The following TBL1X variants were observed in gnomAD, a reference collection of about 807,000 sequenced individuals.
TBL1X encodes the protein F-box-like/WD repeat-containing protein TBL1X.
Under a neutral mutation model 50.7 loss-of-function variants are expected in TBL1X, and 10 were observed. The ratio of observed to expected loss-of-function variants is 0.20; its 90% CI spans 0.12 to 0.33. The LOEUF (loss-of-function observed/expected upper bound fraction) is 0.33, where lower values mean the gene tolerates loss of function less well. TBL1X is among the 10% of genes least tolerant of loss of function. TBL1X has a pLI of 1.00. For missense variants in TBL1X, 340 were observed against 504.4 expected, an observed-to-expected ratio of 0.67 and a Z score of 3.12; for synonymous variants, 190 against 214.7, an observed-to-expected ratio of 0.88 and a Z score of 1.01.
intron 11 of TBL1X, among the ~76,000 whole-genome samples, chrX:9,693,901 G>A (rs747323092): frequency 3.0e-4 from 34 of 111,591 alleles, no homozygotes; most frequent in Non-Finnish European, 6.0e-4. Context: ...ACGCTCTTCC[G>A]ATGGCCCACA....
intron 1 of TBL1X, among the ~76,000 whole-genome samples, chrX:9,480,498 T>G (rs1407887192): frequency 8.9e-6 from 1 of 111,990 alleles, no homozygotes; most frequent in Non-Finnish European, 1.9e-5. Context: ...TTCTGTAGGT[T>G]GAATATTTTT....
chrX:9,490,362 T>C (rs972351565), intron 1 of TBL1X, among the ~76,000 whole-genome samples: 6 of 111,702 alleles, frequency 5.4e-5, no homozygotes, highest in Non-Finnish European at 1.1e-4. Context: ...GGGGAACATT[T>C]GACAATGTCG....
intron 2 of TBL1X, among the ~76,000 whole-genome samples, chrX:9,530,269 G>T (rs1239474431): frequency 8.9e-6 from 1 of 111,906 alleles, no homozygotes; most frequent in African/African-American, 3.2e-5. Context: ...TTCTAGGTCT[G>T]CTTGACATTG....
intron 2 of TBL1X, among the ~76,000 whole-genome samples, chrX:9,561,481 C>T (rs1328504838): frequency 3.6e-5 from 4 of 111,390 alleles, no homozygotes; most frequent in African/African-American, 1.3e-4. Context: ...AGAGTGACAT[C>T]TGGGTTCTCT....
chrX:9,543,885 G>A (rs998228005), intron 2 of TBL1X, among the ~76,000 whole-genome samples: 1 of 111,883 alleles, frequency 8.9e-6, no homozygotes, highest in South Asian at 3.8e-4. Context: ...CCACCCTTGA[G>A]TGACAGTAGC....
chrX:9,538,798 G>A (rs2082201493), intron 2 of TBL1X, among the ~76,000 whole-genome samples: 1 of 112,823 alleles, frequency 8.9e-6, no homozygotes, highest in East Asian at 2.8e-4. Context: ...TGCATGCTTC[G>A]CCTTTGGTAG....
At chrX:9,635,955 G>T (rs751731442) in intron 2 of TBL1X, among the ~76,000 whole-genome samples, 1 of 112,526 alleles carries the variant, frequency 8.9e-6, no homozygotes, top group Non-Finnish European at 1.9e-5. Flanking sequence ...GTTCAGCCAC[G>T]CAGTAGCATA....
At chrX:9,711,547 A>C (rs1601857369) in intron 15 of TBL1X, 64 bp from the exon 16 acceptor site, 2 of 1,026,832 alleles carry the variant, frequency 1.9e-6, no homozygotes, top group Admixed American at 3.9e-5. Flanking sequence ...TCTGATACAC[A>C]TTATGGAGAA....
intron 1 of TBL1X, among the ~76,000 whole-genome samples, chrX:9,490,240 G>A (rs1385495473): frequency 1.8e-5 from 2 of 111,777 alleles, no homozygotes; most frequent in African/African-American, 6.5e-5. Context: ...CAAAGTGCAG[G>A]GATTACAGGT....
chrX:9,665,023 T>C (rs2082919216), intron 5 of TBL1X, among the ~76,000 whole-genome samples: 1 of 110,996 alleles, frequency 9.0e-6, no homozygotes, highest in African/African-American at 3.3e-5. Context: ...TTTTTTTCCT[T>C]CCAACTGGTT....
intron 8 of TBL1X, 43 bp from the exon 9 acceptor site, chrX:9,692,070 A>G (rs2083101236): frequency 1.7e-6 from 2 of 1,211,331 alleles, no homozygotes; most frequent in Non-Finnish European, 2.2e-6. Flanking sequence ...TTCTTATCCC[A>G]TTTGAACCAA....
chrX:9,704,394 G>A (rs1052943030), intron 12 of TBL1X, among the ~76,000 whole-genome samples: 1 of 112,131 alleles, frequency 8.9e-6, no homozygotes, highest in South Asian at 3.7e-4. Context: ...TACAGAGCAG[G>A]CAGGGCGGCC....
At chrX:9,699,893 T>C (rs752836368) in intron 12 of TBL1X, among the ~76,000 whole-genome samples, 1 of 111,700 alleles carries the variant, frequency 9.0e-6, no homozygotes, top group East Asian at 2.8e-4. Flanking sequence ...AATTTGTTAC[T>C]GGTGTTGCTT....
At chrX:9,687,978 C>G in intron 6 of TBL1X, 39 bp from the exon 7 acceptor site, 1 of 1,177,712 alleles carries the variant, frequency 8.5e-7, no homozygotes, top group Non-Finnish European at 1.1e-6. Flanking sequence ...AGCCCTCACC[C>G]CCGTGAGCTG....
chrX:9,526,986 G>A (rs188739693), intron 2 of TBL1X, among the ~76,000 whole-genome samples: 3 of 111,740 alleles, frequency 2.7e-5, no homozygotes, highest in Non-Finnish European at 5.7e-5. Flanking sequence ...GAAAGGCCCC[G>A]CCACACGGAA....
chrX:9,651,258 A>G (rs1015036817), intron 3 of TBL1X, among the ~76,000 whole-genome samples: 1 of 111,035 alleles, frequency 9.0e-6, no homozygotes, highest in Non-Finnish European at 1.9e-5. Flanking sequence ...TTGCCCAGGC[A>G]GGTCTCAAAC....
At chrX:9,607,068 T>C (rs2082587384) in intron 2 of TBL1X, among the ~76,000 whole-genome samples, 2 of 112,619 alleles carry the variant, frequency 1.8e-5, no homozygotes, top group Non-Finnish European at 3.7e-5. Flanking sequence ...CCTTTGTTGC[T>C]CTTGGCTCTC....
rs1312009666 is a variant in TBL1X at position 9,497,777 on chromosome X, TCTCTCTCCCTCC to T, written c.-200-3994_-200-3983del. On this transcript the variant is annotated intron_variant, in intron 1 of 17. Coordinates refer to ENST00000645353, the MANE Select transcript of TBL1X (RefSeq NM_005647.4). ...CCCTCCCTCCCTCCCTCCCTCCCTC[TCTCTCTCCCTCC>T]CTCTCTCCGTCTCTTCCTCCCTCCC... Among the ~76,000 whole-genome samples the T allele has an allele frequency of 7.7e-5, 3 of 38,834 alleles. No homozygotes were observed. In the Admixed American group the frequency reaches 1.4e-3, roughly 18 times the overall value. The allele number at this position is 38,834 out of a possible 115,157, so 33.7% of individuals were successfully genotyped here.
intron 2 of TBL1X, among the ~76,000 whole-genome samples, chrX:9,623,758 C>T (rs941936408): frequency 3.6e-5 from 4 of 112,273 alleles, no homozygotes; most frequent in African/African-American, 6.5e-5. Flanking sequence ...AGCTTACTTA[C>T]GTCTGTTGAC....
Sources: gnomAD v4.1 joint callset for allele counts (sites outside exome capture counted in the v4.1 genomes callset) on GRCh38, gnomAD v4.1.1 for gene constraint, MANE v1.5 for transcripts, NCBI Gene and HGNC (gene_info 2026-07-23, HGNC 2026-07-21) for gene names.